STXBP5: variants seen among roughly 807,000 people sequenced by gnomAD.
STXBP5 encodes the protein syntaxin-binding protein 5.
A neutral mutation model predicts 152.4 loss-of-function variants in STXBP5; 50 were observed. The observed-to-expected ratio is 0.33, with a 90% CI of 0.26 to 0.42. The LOEUF (loss-of-function observed/expected upper bound fraction) is 0.42, where lower values mean the gene tolerates loss of function less well. STXBP5 is among the 10% of genes least tolerant of loss of function. The pLI is 1.00. For synonymous variants in STXBP5, 492 were observed against 494.7 expected, an observed-to-expected ratio of 0.99 and a Z score of 0.07; for missense variants, 1,167 against 1,388.6, an observed-to-expected ratio of 0.84 and a Z score of 2.54.
At chr6:147,303,542 G>A (rs1781934201) in intron 9 of STXBP5, among the ~76,000 whole-genome samples, 2 of 152,120 alleles carry the variant, frequency 1.3e-5, no homozygotes, top group African/African-American at 4.8e-5. Flanking sequence ...CACCAGGAGT[G>A]GGGCACTGCT....
Position 147,228,531 on chromosome 6 carries a change from G to A in STXBP5, c.249-6719G>A, listed in dbSNP as rs570521964. On this transcript the variant is annotated intron_variant, in intron 2 of 27. Coordinates refer to ENST00000321680, the MANE Select transcript of STXBP5 (RefSeq NM_001127715.4). ...AGGACCCATGTTCATTAGAAGCTGC[G>A]TAAAATCTATTTTCTTCTATTATTT... 6.6e-5 allele frequency among the ~76,000 whole-genome samples: 10 copies of A among 152,046 alleles called. No individual in the cohort carries two copies. In the South Asian group the frequency reaches 8.3e-4, roughly 13 times the overall value.
chr6:147,357,371 G>T (rs994154140), intron 22 of STXBP5, among the ~76,000 whole-genome samples: 10 of 152,184 alleles, frequency 6.6e-5, no homozygotes, highest in Admixed American at 5.9e-4. Flanking sequence ...AAATTGTGTG[G>T]CTCTATTTAT....
chr6:147,325,152 A>G, intron 17 of STXBP5, 68 bp downstream of exon 17: 1 of 1,311,510 alleles, frequency 7.6e-7, no homozygotes, highest in African/African-American at 1.5e-5. Flanking sequence ...GTTTTTAAAA[A>G]TAGAAAGGAT....
At chr6:147,220,047 G>T (rs1361015250) in intron 2 of STXBP5, among the ~76,000 whole-genome samples, 1 of 151,362 alleles carries the variant, frequency 6.6e-6, no homozygotes, top group African/African-American at 2.4e-5. Context: ...TATTTTCTGT[G>T]TTTCCCATAA....
chr6:147,255,254 G>A (rs557264140), intron 4 of STXBP5, among the ~76,000 whole-genome samples: 100 of 152,310 alleles, frequency 6.6e-4, no homozygotes, highest in African/African-American at 2.3e-3. Flanking sequence ...CTCATAAGTG[G>A]GAGCTGAACA....
intron 18 of STXBP5, among the ~76,000 whole-genome samples, chr6:147,330,907 C>T (rs1783536100): frequency 6.6e-6 from 1 of 152,124 alleles, no homozygotes; most frequent in South Asian, 2.1e-4. Flanking sequence ...GGAAAAATAC[C>T]ATGTTTATTT....
At position 147,389,771 on chromosome 6, in the gene STXBP5, AC is replaced by A. The variant is rs1786505805; in HGVS notation, c.*5017del. The A allele has an allele frequency of 6.6e-6, 1 of 151,798 alleles. No homozygotes were observed. Among genetic ancestry groups the A allele is most frequent in the African/African-American group, 2.4e-5 (1 of 41,388 alleles). 9.4% of individuals were successfully genotyped at this position (151,798 alleles called of 1,614,324 possible). On this transcript the variant is annotated 3_prime_UTR_variant, in exon 28 of 28. Coordinates refer to ENST00000321680, the MANE Select transcript of STXBP5 (RefSeq NM_001127715.4). The stretch of plus-strand genomic sequence containing the variant: ...GAAGACAGTGTAAGGAGTTGAAAAT[AC>A]AATCAACATAGCAATGGAAAGCAAT...
rs920935127 is a variant in STXBP5, at chr6:147,389,136, G to T, written c.*4381G>T. ...ATTTGAAAATGAATGTGAAGATACTGTTTACAGCTTTTGTTAATTGCACTT... is the reference window on the plus strand; with the variant it reads ...ATTTGAAAATGAATGTGAAGATACTTTTTACAGCTTTTGTTAATTGCACTT... On this transcript the variant is annotated 3_prime_UTR_variant, in exon 28 of 28. Coordinates refer to ENST00000321680, the MANE Select transcript of STXBP5 (RefSeq NM_001127715.4). 3 of 151,532 alleles carry T rather than the reference G, an allele frequency of 2.0e-5. No individual in the cohort carries two copies. The highest frequency in any genetic ancestry group is 4.4e-5 in the Non-Finnish European group (3 of 67,646). The allele number at this position is 151,532 out of a possible 1,614,324, so 9.4% of individuals were successfully genotyped here. A position where few individuals can be genotyped will look rare whatever the true frequency, so the allele number is the denominator to read the frequency against.
chr6:147,317,584 C>G (rs1782705796), intron 16 of STXBP5, among the ~76,000 whole-genome samples: 1 of 152,100 alleles, frequency 6.6e-6, no homozygotes. Flanking sequence ...ATTACCAGCT[C>G]AAAACATCAG....
chr6:147,359,069 T>C lies in STXBP5; in HGVS notation c.2306-15T>C, dbSNP rs1005797562. 3.1e-6 allele frequency: 5 copies of C among 1,609,228 alleles called. No individual in the cohort carries two copies. In the Admixed American group the frequency reaches 8.4e-5, roughly 27 times the overall value. ...TATAACTTGAGCAATCTCACAACAT[T>C]TTTAACCATTTCAGATGTAAAGGAT... On this transcript the variant is annotated splice_polypyrimidine_tract_variant and intron_variant, in intron 22 of 27. Transcript: ENST00000321680.
At chr6:147,366,517 T>C (rs537369713) in intron 25 of STXBP5, among the ~76,000 whole-genome samples, 12 of 152,338 alleles carry the variant, frequency 7.9e-5, no homozygotes, top group Admixed American at 7.2e-4. Context: ...TAATTACTTA[T>C]TGCCCCTTTG....
chr6:147,231,659 A>G (rs536906546), intron 2 of STXBP5, among the ~76,000 whole-genome samples: 2 of 152,054 alleles, frequency 1.3e-5, no homozygotes, highest in East Asian at 3.9e-4. Flanking sequence ...TAGTAAGTGA[A>G]TATTTCCTCA....
intron 4 of STXBP5, among the ~76,000 whole-genome samples, chr6:147,242,927 T>C (rs1478264110): frequency 1.3e-5 from 2 of 152,234 alleles, no homozygotes; most frequent in South Asian, 2.1e-4. Flanking sequence ...GTCTTCTGGC[T>C]TGCTAAGTCA....
At chr6:147,353,597 T>G (rs1262395144) in intron 22 of STXBP5, among the ~76,000 whole-genome samples, 8 of 152,318 alleles carry the variant, frequency 5.3e-5, no homozygotes, top group East Asian at 1.9e-4. Context: ...TATATTTTCT[T>G]AGCCCTCTCA....
At position 147,324,958 on chromosome 6, in the gene STXBP5, G is replaced by A; in HGVS notation, c.1803-1G>A. The A allele has an allele frequency of 6.6e-7, 1 of 1,512,510 alleles. No individual in the cohort carries two copies. Among genetic ancestry groups the A allele is most frequent in the Non-Finnish European group, 8.9e-7 (1 of 1,124,648 alleles). The allele number at this position is 1,512,510 out of a possible 1,614,324, so 93.7% of individuals were successfully genotyped here. On this transcript the variant is annotated splice_acceptor_variant, in intron 16 of 27. Coordinates refer to ENST00000321680, the MANE Select transcript of STXBP5 (RefSeq NM_001127715.4). LOFTEE classifies it high-confidence loss of function. ...AGATACCATGTTTTCTTTTATTTTA[G>A]AGTTAAAAACTCACCACTTAAACAG...
chr6:147,292,066 A>T (rs1467590675), intron 9 of STXBP5, among the ~76,000 whole-genome samples: 3 of 152,168 alleles, frequency 2.0e-5, no homozygotes, highest in African/African-American at 7.2e-5. Flanking sequence ...GGAAATGCTG[A>T]TGCACTCTAA....
chr6:147,301,649 C>T (rs1562472687), intron 9 of STXBP5, among the ~76,000 whole-genome samples: 1 of 152,154 alleles, frequency 6.6e-6, no homozygotes, highest in South Asian at 2.1e-4. Context: ...AATATTTTCT[C>T]CCAGTCTTAA....
At chr6:147,334,069 C>A in intron 18 of STXBP5, 88 bp from the exon 19 acceptor site, 1 of 1,260,272 alleles carries the variant, frequency 7.9e-7, no homozygotes, top group Non-Finnish European at 1.1e-6. Context: ...TTTAAATGGA[C>A]AGTAGTTAAA....
chr6:147,267,603 C>T (rs1284145476), intron 7 of STXBP5, among the ~76,000 whole-genome samples: 1 of 152,018 alleles, frequency 6.6e-6, no homozygotes, highest in East Asian at 1.9e-4. Flanking sequence ...CCTTTTTTGG[C>T]ATTTATTTGT....
Sources: gnomAD v4.1 joint callset for allele counts (sites outside exome capture counted in the v4.1 genomes callset) on GRCh38, gnomAD v4.1.1 for gene constraint, MANE v1.5 for transcripts, NCBI Gene and HGNC (gene_info 2026-07-23, HGNC 2026-07-21) for gene names.